The following PDXDC1 variants were observed in gnomAD, a reference collection of about 807,000 sequenced individuals.
PDXDC1 encodes the protein pyridoxal dependent decarboxylase domain containing 1, also known as pyridoxal-dependent decarboxylase domain-containing protein 1.
Under a neutral mutation model 100.1 loss-of-function variants are expected in PDXDC1, and 42 were observed. The observed-to-expected ratio is 0.42, with a 90% confidence interval of 0.33 to 0.54. PDXDC1 has a LOEUF of 0.54. PDXDC1 is among the 20% of genes least tolerant of loss of function. The pLI is 0.10. For synonymous variants in PDXDC1, 260 were observed against 371.7 expected (o/e 0.70, Z 3.46); for missense variants, 636 against 979.2 (o/e 0.65, Z 4.68).
At chr16:15,112,897 T>C (rs369068351) in intron 16 of PDXDC1, among the ~76,000 whole-genome samples, 2 of 94,748 alleles carry the variant, frequency 2.1e-5, no homozygotes, top group African/African-American at 3.9e-5. Flanking sequence ...TAAATGGAAT[T>C]GTTAAAAAGT....
intron 16 of PDXDC1, among the ~76,000 whole-genome samples, chr16:15,102,433 T>C (rs1295065926): frequency 3.3e-5 from 5 of 151,056 alleles, no homozygotes; most frequent in African/African-American, 9.7e-5. Context: ...TGGGCAGACA[T>C]GAAGTTGCCC....
chr16:15,076,963 T>A (rs994512068), intron 16 of PDXDC1, among the ~76,000 whole-genome samples: 1 of 149,238 alleles, frequency 6.7e-6, no homozygotes, highest in Non-Finnish European at 1.5e-5. Flanking sequence ...TCTGGCTCTG[T>A]GTCCCCACCC....
intron 16 of PDXDC1, chr16:15,131,061 G>A (rs1344185673): frequency 5.0e-6 from 8 of 1,592,106 alleles, no homozygotes; most frequent in African/African-American, 4.0e-5. Context: ...CCAGGGGGCC[G>A]CGTGTGCCTC....
chr16:15,041,756 G>A, downstream of PDXDC1: 1 of 1,021,102 alleles, frequency 9.8e-7, no homozygotes, highest in Non-Finnish European at 1.6e-6. Flanking sequence ...GCCAACGACA[G>A]GGAGGGACGG....
chr16:15,131,431 C>G, intron 16 of PDXDC1: 3 of 1,608,462 alleles, frequency 1.9e-6, no homozygotes, highest in East Asian at 2.2e-5. Context: ...CGGGGCCCTG[C>G]TGAAAGCCTA....
At chr16:15,089,006 T>A (rs2046014727) in intron 16 of PDXDC1, among the ~76,000 whole-genome samples, 1 of 152,028 alleles carries the variant, frequency 6.6e-6, no homozygotes, top group Non-Finnish European at 1.5e-5. Context: ...AACAGACAGT[T>A]AAGAAACAAG....
At chr16:15,026,556 C>G in intron 13 of PDXDC1, 87 bp from the exon 14 acceptor site, 5 of 1,093,398 alleles carry the variant, frequency 4.6e-6, no homozygotes, top group Non-Finnish European at 6.8e-6. Context: ...TAGAGCATTT[C>G]TAAGCGAGTT....
At chr16:15,109,561 G>A (rs2046945951) in intron 16 of PDXDC1, among the ~76,000 whole-genome samples, 1 of 140,162 alleles carries the variant, frequency 7.1e-6, no homozygotes, top group Non-Finnish European at 1.5e-5. Flanking sequence ...AGAGGCTGAG[G>A]GATAAGAATC....
At chr16:15,024,196 C>A (rs1321303420) in intron 13 of PDXDC1, among the ~76,000 whole-genome samples, 7 of 152,276 alleles carry the variant, frequency 4.6e-5, no homozygotes. Flanking sequence ...GTAGAGGATA[C>A]AATAATTGGC....
intron 3 of PDXDC1, among the ~76,000 whole-genome samples, chr16:15,001,327 A>G (rs1477543321): frequency 2.0e-5 from 3 of 152,260 alleles, no homozygotes; most frequent in South Asian, 2.1e-4. Flanking sequence ...CATCTCTACT[A>G]AAAATACAAA....
the PDXDC1 span, among the ~76,000 whole-genome samples, chr16:15,148,990 C>T: frequency 5.4e-4 from 82 of 152,360 alleles, no homozygotes; most frequent in African/African-American, 1.8e-3. Flanking sequence ...CACGCAGGCA[C>T]GTTCTGAACG....
chr16:15,140,215 C>T (rs1290328135), downstream of PDXDC1, among the ~76,000 whole-genome samples: 1 of 150,166 alleles, frequency 6.7e-6, no homozygotes, highest in Non-Finnish European at 1.5e-5. Context: ...GAGGCTGAGG[C>T]GGGCGGATCA....
intron 16 of PDXDC1, among the ~76,000 whole-genome samples, chr16:15,071,966 G>A (rs575778765): frequency 1.1e-4 from 17 of 152,212 alleles, no homozygotes; most frequent in Non-Finnish European, 2.2e-4. Flanking sequence ...AGCACCTTCC[G>A]GTCTCTGGAC....
At chr16:15,068,707 T>C (rs181883886) in intron 16 of PDXDC1, among the ~76,000 whole-genome samples, 231 of 152,348 alleles carry the variant, frequency 1.5e-3, no homozygotes, top group Non-Finnish European at 2.0e-3. Flanking sequence ...TGTTTTCAGG[T>C]GCACAGTAGT....
intron 16 of PDXDC1, chr16:15,130,173 G>A (rs2047972474): frequency 6.5e-7 from 1 of 1,532,754 alleles, no homozygotes; most frequent in South Asian, 1.2e-5. Context: ...CGACTCTGCA[G>A]AGGCTCCCAG....
intron 16 of PDXDC1, among the ~76,000 whole-genome samples, chr16:15,048,604 G>A (rs759092561): frequency 2.6e-5 from 4 of 152,040 alleles, no homozygotes; most frequent in Non-Finnish European, 5.9e-5. Flanking sequence ...ATAGTGGATG[G>A]ATGGCTCTGA....
At chr16:15,052,945 G>A (rs2044355194) in intron 16 of PDXDC1, among the ~76,000 whole-genome samples, 1 of 152,188 alleles carries the variant, frequency 6.6e-6, no homozygotes, top group Non-Finnish European at 1.5e-5. Context: ...CGAGTACCCA[G>A]TGACTGGTTA....
intron 16 of PDXDC1, 95 bp from the exon 17 acceptor site, chr16:15,031,640 G>A (rs1041184468): frequency 1.7e-5 from 18 of 1,065,744 alleles, no homozygotes; most frequent in Middle Eastern, 6.4e-4. Context: ...GGAGTACCTC[G>A]AGCTTTTGAC....
chr16:15,035,177 C>A (rs562627676), intron 21 of PDXDC1, among the ~76,000 whole-genome samples: 145 of 152,320 alleles, frequency 9.5e-4, no homozygotes, highest in African/African-American at 3.4e-3. Context: ...AAAAAGGCAC[C>A]CACTTCTTGT....
Sources: allele counts gnomAD v4.1 joint callset (sites outside exome capture counted in the v4.1 genomes callset), GRCh38; gene constraint gnomAD v4.1.1; transcripts MANE v1.5; gene names NCBI Gene and HGNC (gene_info 2026-07-23, HGNC 2026-07-21).